MED17: variants seen among roughly 807,000 people sequenced by gnomAD.
MED17 encodes the protein mediator complex subunit 17.
A neutral mutation model predicts 80.8 loss-of-function variants in MED17; 49 were observed. The ratio of observed to expected loss-of-function variants is 0.61; its 90% CI spans 0.48 to 0.77. MED17 has a LOEUF of 0.77. Ranked by LOEUF, MED17 falls within the 30% of genes least tolerant of loss-of-function variation. The probability of loss-of-function intolerance (pLI) is 0.00; values close to 1 mark genes in which losing one functional copy is unlikely to be tolerated. For synonymous variants in MED17, 281 were observed against 280.4 expected, an observed-to-expected ratio of 1.00 and a Z score of -0.02; for missense variants, 718 against 787.0, an observed-to-expected ratio of 0.91 and a Z score of 1.05.
chr11:93,804,012 TATATATATATATATACACAC>T (rs1398808966), intron 9 of MED17, among the ~76,000 whole-genome samples: 21 of 23,054 alleles, frequency 9.1e-4, no homozygotes, highest in Admixed American at 5.0e-3. Context: ...TATATATATA[TATATATATATATATACACAC>T]ACACATATAC....
rs1371457708 is a variant in MED17, at chr11:93,814,202, T to C, written c.*2138T>C. ...ATAACTGAAGACTTTACGTTCTTCA[T>C]GTCTTACTTTCCCTGTTTGGTACGT... On this transcript the variant is annotated 3_prime_UTR_variant, in exon 12 of 12. Coordinates refer to ENST00000251871, the MANE Select transcript of MED17 (RefSeq NM_004268.5). The C allele has an allele frequency of 2.0e-5, 3 of 152,234 alleles. No individual in the cohort carries two copies. The highest frequency in any genetic ancestry group is 4.4e-5 in the Non-Finnish European group (3 of 68,044). The allele number at this position is 152,234 out of a possible 1,614,324, so 9.4% of individuals were successfully genotyped here.
intron 8 of MED17, among the ~76,000 whole-genome samples, chr11:93,798,557 T>A (rs565543500): frequency 6.6e-6 from 1 of 152,246 alleles, no homozygotes; most frequent in South Asian, 2.1e-4. Context: ...GTCCTTCAGC[T>A]TTTAGTAAAA....
rs1295184093 is a variant in MED17 at position 93,811,837 on chromosome 11, T to C, written c.1745-16T>C. 6.2e-7 allele frequency: 1 copy of C among 1,609,010 alleles called. No individual in the cohort carries two copies. The highest frequency in any genetic ancestry group is 2.2e-5 in the East Asian group (1 of 44,836). ...GGTAAACTAGAGTGTATTGATATTT[T>C]GGTTTTTCTCCACAGTTCGTAATGG... On this transcript the variant is annotated splice_polypyrimidine_tract_variant and intron_variant, in intron 11 of 11. Transcript: ENST00000251871.
At chr11:93,791,779 A>T (rs1943838729) in intron 3 of MED17, among the ~76,000 whole-genome samples, 1 of 152,090 alleles carries the variant, frequency 6.6e-6, no homozygotes, top group Non-Finnish European at 1.5e-5. Flanking sequence ...CAAACAAAAA[A>T]ACTCGACATG....
chr11:93,804,011 A>G (rs368496743), intron 9 of MED17, among the ~76,000 whole-genome samples: 4 of 22,046 alleles, frequency 1.8e-4, no homozygotes, highest in African/African-American at 3.8e-4. Context: ...ATATATATAT[A>G]TATATATATA....
rs746975564 is a variant in MED17 at position 93,796,403 on chromosome 11, T to TA, written c.1013-4dup. The TA allele has an allele frequency of 6.2e-7, 1 of 1,609,736 alleles. No homozygotes were observed. The highest frequency in any genetic ancestry group is 1.1e-5 in the South Asian group (1 of 90,974). Reference sequence around the variant, plus strand: ...TTTACATATGTCCTCCTTCTTTTTATAAATAGGCTTGCAGTTATCTATTTC... The same window carrying TA: ...TTTACATATGTCCTCCTTCTTTTTATAAAATAGGCTTGCAGTTATCTATTTC... On this transcript the variant is annotated splice_region_variant and splice_polypyrimidine_tract_variant and intron_variant, in intron 6 of 11. Transcript: ENST00000251871.
Position 93,812,934 on chromosome 11 carries a change from G to A in MED17, c.*870G>A, listed in dbSNP as rs1944098642. ...GACCTCACCAGTTGAGACACCTAGTGTATGGCTCATGCCCAGCCTTCCACC... is the reference window on the plus strand; with the variant it reads ...GACCTCACCAGTTGAGACACCTAGTATATGGCTCATGCCCAGCCTTCCACC... On this transcript the variant is annotated 3_prime_UTR_variant, in exon 12 of 12. Coordinates refer to ENST00000251871, the MANE Select transcript of MED17 (RefSeq NM_004268.5). 1 of 152,326 alleles carries A rather than the reference G, an allele frequency of 6.6e-6. No individual in the cohort carries two copies. The highest frequency in any genetic ancestry group is 1.5e-5 in the Non-Finnish European group (1 of 68,160). 9.4% of individuals were successfully genotyped at this position (152,326 alleles called of 1,614,324 possible).
intron 6 of MED17, chr11:93,796,203 G>C: frequency 1.9e-6 from 1 of 518,380 alleles, no homozygotes; most frequent in East Asian, 3.7e-5. Flanking sequence ...CACCCACCTT[G>C]GCCTCCCAAC....
Position 93,792,301 on chromosome 11 carries a change from G to A in MED17, c.638-1427G>A, listed in dbSNP as rs906490748. ...CTGACATGCTTCAGCATTGATATTA[G>A]TTGGGTTATTTTGAATCCTGAAGGT... On this transcript the variant is annotated intron_variant, in intron 3 of 11. Transcript: ENST00000251871. Among the ~76,000 whole-genome samples the A allele has an allele frequency of 3.1e-4, 47 of 152,170 alleles. 4 individuals carry two copies.
At position 93,796,401 on chromosome 11, in the gene MED17, T is replaced by C; in HGVS notation, c.1013-9T>C. 6.2e-7 allele frequency: 1 copy of C among 1,609,236 alleles called. No individual in the cohort carries two copies. The highest frequency in any genetic ancestry group is 1.1e-5 in the South Asian group (1 of 90,966). On this transcript the variant is annotated splice_polypyrimidine_tract_variant and intron_variant, in intron 6 of 11. Coordinates refer to ENST00000251871, the MANE Select transcript of MED17 (RefSeq NM_004268.5). ...TATTTACATATGTCCTCCTTCTTTTTATAAATAGGCTTGCAGTTATCTATT... is the reference window on the plus strand; with the variant it reads ...TATTTACATATGTCCTCCTTCTTTTCATAAATAGGCTTGCAGTTATCTATT...
Position 93,814,545 on chromosome 11 carries a change from T to C in MED17, c.*2481T>C, listed in dbSNP as rs750364919. 2 of 152,238 alleles carry C rather than the reference T, an allele frequency of 1.3e-5. No individual in the cohort carries two copies. The highest frequency in any genetic ancestry group is 1.9e-4 in the East Asian group (1 of 5,196). The allele number at this position is 152,238 out of a possible 1,614,324, so 9.4% of individuals were successfully genotyped here. On this transcript the variant is annotated 3_prime_UTR_variant, in exon 12 of 12. Coordinates refer to ENST00000251871, the MANE Select transcript of MED17 (RefSeq NM_004268.5). ...TTCTCTGTGAACTTGTTTCCTTATA[T>C]ATAAATGAAGATAGAGGTGCCTCCT... is the stretch of plus-strand genomic sequence containing the variant.
chr11:93,786,753 G>A (rs1943775032), intron 1 of MED17, among the ~76,000 whole-genome samples: 1 of 152,164 alleles, frequency 6.6e-6, no homozygotes, highest in Non-Finnish European at 1.5e-5. Flanking sequence ...ACAGGCCTGA[G>A]CCACTGCACC....
Position 93,812,380 on chromosome 11 carries a change from CAAAT to C in MED17, c.*320_*323del. The C allele has an allele frequency of 1.9e-6, 1 of 513,224 alleles. No homozygotes were observed. The highest frequency in any genetic ancestry group is 3.4e-6 in the Non-Finnish European group (1 of 294,812). The allele number at this position is 513,224 out of a possible 1,614,324, so 31.8% of individuals were successfully genotyped here. On this transcript the variant is annotated 3_prime_UTR_variant, in exon 12 of 12. Transcript: ENST00000251871. ...AATATTCCTTCTTTGATGTTGACAT[CAAAT>C]AAAGTATGTGGTTTAAAAAAATCTC...
chr11:93,786,265 C>T, intron 1 of MED17, among the ~76,000 whole-genome samples: 1 of 151,812 alleles, frequency 6.6e-6, no homozygotes, highest in Non-Finnish European at 1.5e-5. Flanking sequence ...CTTCAGATAC[C>T]AATAAACAGA....
chr11:93,793,114 C>CTTTTTTTTTTTTGTTT (rs1943856811), intron 3 of MED17: 1 of 52,154 alleles, frequency 1.9e-5, no homozygotes, highest in Admixed American at 4.2e-4. Flanking sequence ...GAGTACACCT[C>CTTTTTTTTTTTTGTTT]TTTTTTTTTT....
At chr11:93,806,126 G>A (rs1304667050) in intron 9 of MED17, 1 of 151,882 alleles carries the variant, frequency 6.6e-6, no homozygotes, top group Admixed American at 6.6e-5. Flanking sequence ...CTACAGATGT[G>A]TGCCACCACG....
chr11:93,786,624 T>C (rs529024312), intron 1 of MED17, among the ~76,000 whole-genome samples: 2 of 152,202 alleles, frequency 1.3e-5, no homozygotes, highest in African/African-American at 4.8e-5. Context: ...TGCGGCACCA[T>C]GCCTGGCTAA....
Position 93,790,628 on chromosome 11 carries a change from C to T in MED17, c.472C>T (p.Gln158Ter), listed in dbSNP as rs1302840036. ...SKKKSLAGAA[Q>*]ILLKGAERLT... Reference sequence around the variant, plus strand: ...AAAGAAGTCACTTGCTGGAGCAGCACAAATCTTATTGAAGGGGGCAGAAAG... The same window carrying T: ...AAAGAAGTCACTTGCTGGAGCAGCATAAATCTTATTGAAGGGGGCAGAAAG... The change falls in exon 3 of 12, where the codon CAA becomes TAA. Residue 158 changes from glutamine to a stop codon, truncating the protein, a stop_gained. Transcript: ENST00000251871. LOFTEE classifies it high-confidence loss of function. The T allele has an allele frequency of 6.2e-7, 1 of 1,614,140 alleles. No homozygotes were observed. The highest frequency in any genetic ancestry group is 1.3e-5 in the African/African-American group (1 of 75,018).
At position 93,813,170 on chromosome 11, in the gene MED17, G is replaced by A. The variant is rs1944101227; in HGVS notation, c.*1106G>A. The A allele has an allele frequency of 6.6e-6, 1 of 152,228 alleles. No homozygotes were observed. Among genetic ancestry groups the A allele is most frequent in the Non-Finnish European group, 1.5e-5 (1 of 68,048 alleles). The allele number at this position is 152,228 out of a possible 1,614,324, so 9.4% of individuals were successfully genotyped here. A position where few individuals can be genotyped will look rare whatever the true frequency, so the allele number is the denominator to read the frequency against. Reference sequence around the variant, plus strand: ...GGCTCATAAGCCTTTTGGTAACACTGAAAGTAGTATCATATAGGCAAGCTC... The same window carrying A: ...GGCTCATAAGCCTTTTGGTAACACTAAAAGTAGTATCATATAGGCAAGCTC... On this transcript the variant is annotated 3_prime_UTR_variant, in exon 12 of 12. Coordinates refer to ENST00000251871, the MANE Select transcript of MED17 (RefSeq NM_004268.5).
Sources: allele counts gnomAD v4.1 joint callset (sites outside exome capture counted in the v4.1 genomes callset), GRCh38; gene constraint gnomAD v4.1.1; transcripts MANE v1.5; gene names NCBI Gene and HGNC (gene_info 2026-07-23, HGNC 2026-07-21).